The following NECAB2 variants were observed in gnomAD, a reference collection of about 807,000 sequenced individuals.
The protein encoded by NECAB2 is N-terminal EF-hand calcium-binding protein 2.
NECAB2 carries 68 observed loss-of-function variants against 51.9 expected under a neutral mutation model. The observed-to-expected ratio is 1.31, with a 90% CI of 1.08 to 1.60. NECAB2 has a LOEUF of 1.60. Among genes scored for constraint, NECAB2 ranks in the 40% most tolerant of loss-of-function variants. The probability of loss-of-function intolerance (pLI) is 0.00; values close to 1 mark genes in which losing one functional copy is unlikely to be tolerated. For synonymous variants in NECAB2, 329 were observed against 203.5 expected, an observed-to-expected ratio of 1.62 and a Z score of -5.25; for missense variants, 854 against 490.3, an observed-to-expected ratio of 1.74 and a Z score of -7.00.
At chr16:83,982,962 G>C (rs1206845759) in intron 5 of NECAB2, among the ~76,000 whole-genome samples, 1 of 151,684 alleles carries the variant, frequency 6.6e-6, no homozygotes, top group Non-Finnish European at 1.5e-5. Flanking sequence ...TCTGCCTCCT[G>C]GGTTTGAGTG....
At chr16:83,990,037 G>T (rs1236915037) in intron 5 of NECAB2, among the ~76,000 whole-genome samples, 1 of 152,140 alleles carries the variant, frequency 6.6e-6, no homozygotes, top group Non-Finnish European at 1.5e-5. Flanking sequence ...GAAGGTCGTG[G>T]ATTCTTCTTG....
chr16:83,981,707 A>G (rs2084491913), intron 5 of NECAB2, among the ~76,000 whole-genome samples: 1 of 152,080 alleles, frequency 6.6e-6, no homozygotes, highest in Non-Finnish European at 1.5e-5. Flanking sequence ...GGACCTGGCA[A>G]TAGGCATGGG....
At chr16:83,989,769 A>G (rs2084598520) in intron 5 of NECAB2, among the ~76,000 whole-genome samples, 1 of 152,244 alleles carries the variant, frequency 6.6e-6, no homozygotes, top group Admixed American at 6.5e-5. Context: ...GAATCTCAGG[A>G]CAGAGGTGGA....
In NECAB2 at chr16:83,972,856, C is replaced by T. The variant is rs549775468; in HGVS notation, c.226+681C>T. Among the ~76,000 whole-genome samples the T allele has an allele frequency of 1.4e-4, 22 of 152,296 alleles. No individual in the cohort carries two copies. In the South Asian group the frequency reaches 1.9e-3, roughly 13 times the overall value. ...AGCCCAGGCCTTGAGAGAATAAGCA[C>T]GTTTAGGCGGCCCAGCTGAGCCTCG... is the stretch of plus-strand genomic sequence containing the variant. On this transcript the variant is annotated intron_variant, in intron 2 of 12. Transcript: ENST00000305202.
In NECAB2 at chr16:83,968,588, G is replaced by A; in HGVS notation, c.-61G>A. The A allele has an allele frequency of 1.0e-6, 1 of 973,076 alleles. No individual in the cohort carries two copies. Among genetic ancestry groups the A allele is most frequent in the Non-Finnish European group, 1.2e-6 (1 of 821,674 alleles). 60.3% of individuals were successfully genotyped at this position (973,076 alleles called of 1,614,324 possible). On this transcript the variant is annotated 5_prime_UTR_variant, in exon 1 of 13. Transcript: ENST00000305202. ...CAGCGCGGGGAGGGGGTCGCGCGGG[G>A]GCGGGCCGCAGCTGGGCGGGGGTCG... is the stretch of plus-strand genomic sequence containing the variant.
chr16:83,996,673 C>A (rs183405526), intron 8 of NECAB2, among the ~76,000 whole-genome samples: 1 of 152,216 alleles, frequency 6.6e-6, no homozygotes, highest in East Asian at 1.9e-4. Context: ...GGTTCTCTGC[C>A]GTGACATAGT....
intron 5 of NECAB2, among the ~76,000 whole-genome samples, chr16:83,990,140 A>T (rs920951888): frequency 6.6e-6 from 1 of 152,132 alleles, no homozygotes; most frequent in African/African-American, 2.4e-5. Flanking sequence ...CCTACTGTTG[A>T]TTGAGTCTTT....
chr16:83,985,572 G>A (rs1422625455), intron 5 of NECAB2, among the ~76,000 whole-genome samples: 2 of 151,638 alleles, frequency 1.3e-5, no homozygotes, highest in African/African-American at 4.8e-5. Flanking sequence ...GGTGGAGGTT[G>A]CAGTGAGCCG....
intron 10 of NECAB2, among the ~76,000 whole-genome samples, 199 bp from the exon 11 acceptor site, chr16:84,000,525 T>TA (rs1259333801): frequency 1.3e-5 from 2 of 152,140 alleles, no homozygotes; most frequent in African/African-American, 4.8e-5. Context: ...AATAAATAGC[T>TA]GTTGGCCACT....
chr16:84,001,456 T>C (rs1158315107), intron 11 of NECAB2, among the ~76,000 whole-genome samples: 1 of 152,120 alleles, frequency 6.6e-6, no homozygotes, highest in Non-Finnish European at 1.5e-5. Context: ...CCCCTCCCTG[T>C]CCGTACTTCA....
chr16:83,994,490 C>G, intron 7 of NECAB2, 70 bp downstream of exon 7: 2 of 1,588,046 alleles, frequency 1.3e-6, no homozygotes, highest in Non-Finnish European at 1.7e-6. Flanking sequence ...AGTCCTCTGA[C>G]AGGGACTGGG....
chr16:83,998,418 T>TC (rs2084752563), intron 10 of NECAB2, 101 bp downstream of exon 10: 1 of 1,112,048 alleles, frequency 9.0e-7, no homozygotes, highest in African/African-American at 1.5e-5. Context: ...TAGTACAAGT[T>TC]GCACCCCAGG....
intron 5 of NECAB2, among the ~76,000 whole-genome samples, chr16:83,981,893 G>A (rs2084493900): frequency 6.6e-6 from 1 of 152,144 alleles, no homozygotes; most frequent in Non-Finnish European, 1.5e-5. Flanking sequence ...CTGAGCTTTG[G>A]GAGTCCAGAA....
At chr16:83,992,376 G>GGCCCCCC (rs1555548083) in intron 6 of NECAB2, among the ~76,000 whole-genome samples, 1 of 109,772 alleles carries the variant, frequency 9.1e-6, no homozygotes, top group Admixed American at 8.3e-5. Flanking sequence ...ACGAGCACCC[G>GGCCCCCC]TCCCCCCGCC....
At chr16:83,972,641 A>C (rs957555162) in intron 2 of NECAB2, among the ~76,000 whole-genome samples, 4 of 152,236 alleles carry the variant, frequency 2.6e-5, no homozygotes, top group African/African-American at 9.6e-5. Context: ...ATAGCAGCCC[A>C]GAGAGGTTAA....
chr16:83,990,752 C>G (rs1052031667), intron 6 of NECAB2, 122 bp downstream of exon 6: 1 of 1,316,314 alleles, frequency 7.6e-7, no homozygotes. Flanking sequence ...CAAGTTGCCA[C>G]AGCTCTTTGT....
intron 7 of NECAB2, 71 bp downstream of exon 7, chr16:83,994,491 A>C: frequency 6.3e-7 from 1 of 1,588,302 alleles, no homozygotes; most frequent in South Asian, 1.1e-5. Context: ...GTCCTCTGAC[A>C]GGGACTGGGG....
chr16:83,967,877 G>C (rs1035117228), upstream of NECAB2, among the ~76,000 whole-genome samples: 1 of 150,908 alleles, frequency 6.6e-6, no homozygotes, highest in Non-Finnish European at 1.5e-5. Context: ...TGAATGGTTG[G>C]GAGGGTGGGT....
chr16:83,992,310 G>T (rs1597217119), intron 6 of NECAB2, among the ~76,000 whole-genome samples: 2 of 151,268 alleles, frequency 1.3e-5, no homozygotes, highest in South Asian at 2.1e-4. Flanking sequence ...GGTGTGACCT[G>T]GTATTTAGAG....
Sources: allele counts gnomAD v4.1 joint callset (sites outside exome capture counted in the v4.1 genomes callset), GRCh38; gene constraint gnomAD v4.1.1; transcripts MANE v1.5; gene names NCBI Gene and HGNC (gene_info 2026-07-23, HGNC 2026-07-21).